OLFM2: variants seen among roughly 807,000 people sequenced by gnomAD.
OLFM2 encodes olfactomedin 2.
OLFM2 carries 20 observed loss-of-function variants against 43.9 expected under a neutral mutation model. The observed-to-expected ratio is 0.46, with a 90% CI of 0.32 to 0.66. OLFM2 has a LOEUF of 0.66. Among genes scored for constraint, OLFM2 ranks in the 30% least tolerant of loss-of-function variants. The pLI is 0.04. For missense variants in OLFM2, 416 were observed against 643.6 expected (o/e 0.65, Z 3.83); for synonymous variants, 268 against 278.6 (o/e 0.96, Z 0.38).
chr19:9,931,770 T>TGAG, intron 1 of OLFM2, among the ~76,000 whole-genome samples: 1 of 151,812 alleles, frequency 6.6e-6, no homozygotes, highest in African/African-American at 2.4e-5. Flanking sequence ...GATCTTGCTG[T>TGAG]ATTGCCCAGG....
intron 1 of OLFM2, among the ~76,000 whole-genome samples, chr19:9,868,703 A>AG (rs2046420954): frequency 6.6e-6 from 1 of 152,138 alleles, no homozygotes; most frequent in Admixed American, 6.6e-5. Context: ...CACTTTGGGA[A>AG]GCCAAGGCAG....
At chr19:9,908,014 T>C (rs1015782872) in intron 1 of OLFM2, among the ~76,000 whole-genome samples, 9 of 151,722 alleles carry the variant, frequency 5.9e-5, no homozygotes, top group African/African-American at 2.2e-4. Context: ...CAAAAAAAAA[T>C]AAAATAAAAT....
intron 1 of OLFM2, among the ~76,000 whole-genome samples, chr19:9,901,455 C>CA (rs2046739341): frequency 6.7e-6 from 1 of 148,768 alleles, no homozygotes; most frequent in African/African-American, 2.6e-5. Flanking sequence ...AACAAACAAA[C>CA]AAAAAACATA....
chr19:9,882,260 C>T (rs1204463767), intron 1 of OLFM2, among the ~76,000 whole-genome samples: 4 of 146,198 alleles, frequency 2.7e-5, no homozygotes, highest in African/African-American at 1.0e-4. Context: ...AAAAAAAGGC[C>T]AGGCGCGGTG....
intron 1 of OLFM2, among the ~76,000 whole-genome samples, chr19:9,898,857 C>T (rs148886947): frequency 1.1e-3 from 163 of 152,240 alleles, no homozygotes; most frequent in Admixed American, 3.1e-3. Flanking sequence ...CAGATAACAC[C>T]GGGCTTGCTC....
At chr19:9,893,163 TTC>T (rs1367626509) in intron 1 of OLFM2, among the ~76,000 whole-genome samples, 5 of 117,176 alleles carry the variant, frequency 4.3e-5, no homozygotes, top group African/African-American at 1.0e-4. Context: ...TTTATTTTTT[TTC>T]TTTTTCTTTT....
chr19:9,863,226 C>G (rs2046377200), intron 1 of OLFM2, among the ~76,000 whole-genome samples: 1 of 152,164 alleles, frequency 6.6e-6, no homozygotes, highest in African/African-American at 2.4e-5. Context: ...GCCCATGTGG[C>G]TGGAGCAGAT....
chr19:9,900,571 C>T (rs929854097), intron 1 of OLFM2, among the ~76,000 whole-genome samples: 1 of 151,796 alleles, frequency 6.6e-6, no homozygotes, highest in Non-Finnish European at 1.5e-5. Flanking sequence ...CCATACTTAG[C>T]TCTGATGGGG....
At chr19:9,921,533 G>C (rs972073007) in intron 1 of OLFM2, among the ~76,000 whole-genome samples, 2 of 150,860 alleles carry the variant, frequency 1.3e-5, no homozygotes, top group African/African-American at 4.9e-5. Context: ...CTGTCACCGA[G>C]GCTGGAGTGC....
At chr19:9,885,646 G>A (rs996431403) in intron 1 of OLFM2, among the ~76,000 whole-genome samples, 6 of 152,120 alleles carry the variant, frequency 3.9e-5, no homozygotes, top group Admixed American at 2.0e-4. Context: ...CTGATGCAGG[G>A]GTAAAAAGCC....
In OLFM2 at chr19:9,894,161, C is replaced by T. The variant is rs112388558; in HGVS notation, c.64-33367G>A. On this transcript the variant is annotated intron_variant, in intron 1 of 5. Transcript: ENST00000264833. ...TACAAAAATTAGCCGGCCGTGGTGG[C>T]GCACGCCTGTAATCCCAGCTACTCA... 9.2e-3 allele frequency among the ~76,000 whole-genome samples: 1,400 copies of T among 151,944 alleles called. 21 individuals are homozygous for T. Among genetic ancestry groups the T allele is most frequent in the African/African-American group, 0.032 (1,342 of 41,430 alleles).
intron 1 of OLFM2, among the ~76,000 whole-genome samples, chr19:9,911,203 G>C (rs774589759): frequency 2.6e-5 from 4 of 152,192 alleles, no homozygotes; most frequent in Non-Finnish European, 4.4e-5. Flanking sequence ...ACTGGCCAGA[G>C]TCATAGAGCA....
chr19:9,917,509 A>C (rs2086392008), intron 1 of OLFM2, among the ~76,000 whole-genome samples: 1 of 152,154 alleles, frequency 6.6e-6, no homozygotes, highest in South Asian at 2.1e-4. Flanking sequence ...GGCAGAAGCC[A>C]GGGTGTTTCT....
chr19:9,889,666 G>T (rs2046620797), intron 1 of OLFM2, among the ~76,000 whole-genome samples: 1 of 152,214 alleles, frequency 6.6e-6, no homozygotes. Flanking sequence ...AAGGGAGGCA[G>T]TGGGCCAGAC....
chr19:9,908,126 T>A (rs12981841), intron 1 of OLFM2, among the ~76,000 whole-genome samples: 53,038 of 151,898 alleles, frequency 0.35, 11,349 homozygotes, highest in Admixed American at 0.53. Flanking sequence ...CCTCTTCCGC[T>A]CGCTCACTAT....
intron 1 of OLFM2, among the ~76,000 whole-genome samples, chr19:9,923,011 A>G (rs1462015073): frequency 6.6e-6 from 1 of 152,130 alleles, no homozygotes; most frequent in Middle Eastern, 3.2e-3. Flanking sequence ...TTCATACACT[A>G]CTGGTGGAAG....
intron 1 of OLFM2, chr19:9,913,526 C>A: frequency 2.1e-5 from 25 of 1,198,570 alleles, no homozygotes; most frequent in Non-Finnish European, 2.6e-5. Context: ...GCCGTTGAGC[C>A]CCACGAGCGA....
At chr19:9,909,445 A>G in intron 1 of OLFM2, among the ~76,000 whole-genome samples, 1 of 152,116 alleles carries the variant, frequency 6.6e-6, no homozygotes, top group East Asian at 1.9e-4. Context: ...GGAGTTGGCC[A>G]AAGGTAGTAG....
chr19:9,922,019 G>A (rs927738959), intron 1 of OLFM2, among the ~76,000 whole-genome samples: 29 of 151,638 alleles, frequency 1.9e-4, no homozygotes, highest in African/African-American at 5.8e-4. Context: ...GCTTGAGCCC[G>A]GGAGATCGAG....
Sources: gnomAD v4.1 joint callset for allele counts (sites outside exome capture counted in the v4.1 genomes callset) on GRCh38, gnomAD v4.1.1 for gene constraint, MANE v1.5 for transcripts, NCBI Gene and HGNC (gene_info 2026-07-23, HGNC 2026-07-21) for gene names.